The following MUC5AC variants were observed in gnomAD, a reference collection of about 807,000 sequenced individuals.
MUC5AC encodes mucin 5AC, oligomeric mucus/gel-forming.
In MUC5AC, 158 loss-of-function variants were observed where a neutral mutation model predicts 169.7. That is an observed-to-expected ratio of 0.93 (90% CI 0.82 to 1.06). The LOEUF is 1.06. MUC5AC is among the 50% of genes least tolerant of loss of function. The pLI is 0.00. For synonymous variants in MUC5AC, 1,975 were observed against 1,237.0 expected (o/e 1.60, Z -12.52); for missense variants, 4,359 against 3,089.9 (o/e 1.41, Z -9.74).
In MUC5AC at chr11:1,199,676, C is replaced by T. The variant is rs766485530; in HGVS notation, c.16516-19C>T. 15 of 704,694 alleles carry T rather than the reference C, an allele frequency of 2.1e-5. No homozygotes were observed. Among genetic ancestry groups the T allele is most frequent in the Middle Eastern group, 2.5e-4 (1 of 3,960 alleles). The allele number at this position is 704,694 out of a possible 1,614,324, so 43.7% of individuals were successfully genotyped here. On this transcript the variant is annotated intron_variant, in intron 46 of 48. Coordinates refer to ENST00000621226, the MANE Select transcript of MUC5AC (RefSeq NM_001304359.2). ...CCGCCGAGCGCCTCGGCACTGAGGG[C>T]GCCCCTCTGTCGGCACAGGACGAGG...
At chr11:1,166,876 A>C (rs1278245854) in intron 11 of MUC5AC, among the ~76,000 whole-genome samples, 1 of 44,782 alleles carries the variant, frequency 2.2e-5, no homozygotes, top group Non-Finnish European at 4.2e-5. Context: ...AGTCTCCCCA[A>C]GATGAGACCC....
Position 1,188,020 on chromosome 11 carries a change from G to A in MUC5AC, c.9875G>A (p.Arg3292His), listed in dbSNP as rs1554928444. The change falls in exon 31 of 49, where the codon CGT becomes CAT. Residue 3292 changes from arginine (R) to histidine (H), a missense_variant. Coordinates refer to ENST00000621226, the MANE Select transcript of MUC5AC (RefSeq NM_001304359.2). Reference protein sequence around the residue: ...EHLGQVVQCSREEGLVCRNQD... With the variant: ...EHLGQVVQCSHEEGLVCRNQD... Reference sequence around the variant, plus strand: ...CTGGGCCAGGTGGTGCAGTGCAGCCGTGAAGAGGGCCTGGTGTGCCGGAAC... The same window carrying A: ...CTGGGCCAGGTGGTGCAGTGCAGCCATGAAGAGGGCCTGGTGTGCCGGAAC... 0.14 allele frequency: 101,016 copies of A among 738,402 alleles called. 4,538 individuals carry two copies. The highest frequency in any genetic ancestry group is 0.19 in the African/African-American group (10,976 of 57,956). 45.7% of individuals were successfully genotyped at this position (738,402 alleles called of 1,614,324 possible). A position where few individuals can be genotyped will look rare whatever the true frequency, so the allele number is the denominator to read the frequency against.
intron 2 of MUC5AC, 105 bp from the exon 3 acceptor site, chr11:1,161,422 G>A (rs925286113): frequency 2.2e-6 from 2 of 912,302 alleles, no homozygotes; most frequent in East Asian, 2.9e-5. Flanking sequence ...GTTGGCTTCG[G>A]AGCCAGGAGC....
At position 1,188,193 on chromosome 11, in the gene MUC5AC, A is replaced by G. The variant is rs1029190691; in HGVS notation, c.10048A>G (p.Thr3350Ala). The G allele has an allele frequency of 7.3e-6, 5 of 685,784 alleles. No homozygotes were observed. The highest frequency in any genetic ancestry group is 5.3e-5 in the African/African-American group (3 of 56,912). 42.5% of individuals were successfully genotyped at this position (685,784 alleles called of 1,614,324 possible). The stretch of plus-strand genomic sequence containing the variant: ...GAGAGCCACCAGCCCAACTCAGAGC[A>G]CTTCCTCTTGGCAGAAATCCAGGAC... ...SGRATSPTQS[T>A]SSWQKSRTTT... Residue 3350 changes from threonine (T) to alanine (A), a missense_variant, in exon 31 of 49, where the codon ACT (threonine) becomes GCT (alanine). By Grantham distance (58) the Thr-to-Ala change is moderately conservative. Coordinates refer to ENST00000621226, the MANE Select transcript of MUC5AC (RefSeq NM_001304359.2).
Position 1,190,134 on chromosome 11 carries a change from A to T in MUC5AC, c.11989A>T (p.Ile3997Phe). 3 of 764,098 alleles carry T rather than the reference A, an allele frequency of 3.9e-6. No homozygotes were observed. The allele number at this position is 764,098 out of a possible 1,614,324, so 47.3% of individuals were successfully genotyped here. Residue 3997 changes from isoleucine to phenylalanine, a missense_variant, in exon 31 of 49, where the codon ATC becomes TTC. Transcript: ENST00000621226. ...GEKICRRPEE[I>F]TRLQCRAESH... is the part of the protein sequence containing the mutation. ...AAAAATCTGCCGCCGACCTGAGGAG[A>T]TCACCAGGCTCCAGTGCCGAGCCGA...
At chr11:1,198,504 T>C (rs1384014791) in intron 43 of MUC5AC, among the ~76,000 whole-genome samples, 199 bp downstream of exon 43, 2 of 150,792 alleles carry the variant, frequency 1.3e-5, no homozygotes, top group Non-Finnish European at 3.0e-5. Context: ...ATCTACACCC[T>C]GGCCTGCCTG....
At chr11:1,180,892 C>T (rs1860802357) in intron 28 of MUC5AC, among the ~76,000 whole-genome samples, 1 of 152,130 alleles carries the variant, frequency 6.6e-6, no homozygotes. Flanking sequence ...ACTCTGGCAC[C>T]CACCTCCCCT....
chr11:1,189,305 A>G lies in MUC5AC; in HGVS notation c.11160A>G (p.Thr3720=). 1.7e-6 allele frequency: 1 copy of G among 575,612 alleles called. No individual in the cohort carries two copies. The highest frequency in any genetic ancestry group is 3.1e-6 in the Non-Finnish European group (1 of 324,660). 35.7% of individuals were successfully genotyped at this position (575,612 alleles called of 1,614,324 possible). A position where few individuals can be genotyped will look rare whatever the true frequency, so the allele number is the denominator to read the frequency against. ...CAACCTCCACTCCACAGACCACCAC[A>G]TCCTCTGCCCCTACAAGCAGCACAA... ...TSTTSTPQTT[T]SSAPTSSTTS... is the part of the protein sequence containing the mutation. The change falls in exon 31 of 49, where the codon ACA becomes ACG. Residue 3720 remains threonine (T), a synonymous_variant. Coordinates refer to ENST00000621226, the MANE Select transcript of MUC5AC (RefSeq NM_001304359.2).
chr11:1,171,168 T>TTC (rs1207378727), intron 15 of MUC5AC, among the ~76,000 whole-genome samples: 1 of 119,090 alleles, frequency 8.4e-6, no homozygotes, highest in Non-Finnish European at 1.7e-5. Flanking sequence ...CACTCATCCA[T>TTC]TCACCCATTC....
chr11:1,187,791 C>A lies in MUC5AC; in HGVS notation c.9646C>A (p.Gln3216Lys). ...HVSISKTTHS[Q>K]PVTRDCHLRC... The stretch of plus-strand genomic sequence containing the variant: ...TTCCATATCCAAGACAACCCACTCC[C>A]AACCAGTCACCAGAGACTGTCATCT... Residue 3216 changes from glutamine to lysine, a missense_variant, in exon 31 of 49, where the codon CAA becomes AAA. Gln to Lys is a moderately conservative substitution (Grantham distance 53). Transcript: ENST00000621226. 2 of 765,138 alleles carry A rather than the reference C, an allele frequency of 2.6e-6. No homozygotes were observed. The highest frequency in any genetic ancestry group is 4.8e-6 in the Non-Finnish European group (2 of 417,864). 47.4% of individuals were successfully genotyped at this position (765,138 alleles called of 1,614,324 possible). A position where few individuals can be genotyped will look rare whatever the true frequency, so the allele number is the denominator to read the frequency against.
intron 5 of MUC5AC, 81 bp downstream of exon 5, chr11:1,162,727 T>A: frequency 7.3e-7 from 1 of 1,366,574 alleles, no homozygotes; most frequent in Non-Finnish European, 1.0e-6. Context: ...CCGGAGAGGG[T>A]AGAAGGTGCC....
chr11:1,163,128 C>T, intron 6 of MUC5AC, 83 bp downstream of exon 6: 1 of 1,300,122 alleles, frequency 7.7e-7, no homozygotes, highest in Non-Finnish European at 1.1e-6. Flanking sequence ...CTCTGACACT[C>T]CGGGCACACA....
Position 1,184,374 on chromosome 11 carries a change from A to C in MUC5AC, c.6229A>C (p.Thr2077Pro). Reference protein sequence around the residue: ...PHPTGAQTQTTFTTHMPSAST... With the variant: ...PHPTGAQTQTPFTTHMPSAST... ...TCCAACCGGAGCTCAGACCCAGACCACCTTCACCACACACATGCCCTCGGC... is the reference window on the plus strand; with the variant it reads ...TCCAACCGGAGCTCAGACCCAGACCCCCTTCACCACACACATGCCCTCGGC... The change falls in exon 31 of 49, where the codon ACC (threonine) becomes CCC (proline). Residue 2077 changes from threonine to proline, a missense_variant. By Grantham distance (38) the Thr-to-Pro change is conservative. Transcript: ENST00000621226. The C allele has an allele frequency of 2.0e-6, 1 of 500,540 alleles. No homozygotes were observed. The highest frequency in any genetic ancestry group is 1.9e-5 in the African/African-American group (1 of 51,772). 31.0% of individuals were successfully genotyped at this position (500,540 alleles called of 1,614,324 possible).
rs1848362712 is a variant in MUC5AC, at chr11:1,176,647, G to A, written c.2636G>A (p.Arg879Gln). ...EASYRAGQTI[R>Q]VGCNTCTCDS... ...AGCTACCGGGCCGGCCAGACCATCCGGGTGGGCTGCAACACCTGGTATGCC... is the reference window on the plus strand; with the variant it reads ...AGCTACCGGGCCGGCCAGACCATCCAGGTGGGCTGCAACACCTGGTATGCC... Residue 879 changes from arginine to glutamine, a missense_variant, in exon 21 of 49, where the codon CGG becomes CAG. Transcript: ENST00000621226. 8 of 398,564 alleles carry A rather than the reference G, an allele frequency of 2.0e-5. No homozygotes were observed. Among genetic ancestry groups the A allele is most frequent in the Non-Finnish European group, 3.5e-5 (8 of 226,056 alleles). The allele number at this position is 398,564 out of a possible 1,614,324, so 24.7% of individuals were successfully genotyped here.
Position 1,189,779 on chromosome 11 carries a change from C to G in MUC5AC, c.11634C>G (p.Ser3878Arg), listed in dbSNP as rs1457033963. The G allele has an allele frequency of 2.9e-6, 2 of 696,978 alleles. No homozygotes were observed. Among genetic ancestry groups the G allele is most frequent in the Admixed American group, 4.0e-5 (2 of 49,532 alleles). The allele number at this position is 696,978 out of a possible 1,614,324, so 43.2% of individuals were successfully genotyped here. The change falls in exon 31 of 49, where the codon AGC becomes AGG. Residue 3878 changes from serine (S) to arginine (R), a missense_variant. By Grantham distance (110) the Ser-to-Arg change is moderately radical. Coordinates refer to ENST00000621226, the MANE Select transcript of MUC5AC (RefSeq NM_001304359.2). ...TASTISAPTT[S>R]TTSFHTTSTT... ...GCACAATCTCTGCCCCTACAACCAG[C>G]ACAACCTCTTTCCATACAACCAGCA... is the stretch of plus-strand genomic sequence containing the variant.
chr11:1,167,660 G>A (rs559672280), intron 11 of MUC5AC, among the ~76,000 whole-genome samples: 28 of 152,330 alleles, frequency 1.8e-4, no homozygotes, highest in Admixed American at 4.6e-4. Flanking sequence ...TATAGTTGGC[G>A]TTGCAGAGTG....
Position 1,161,935 on chromosome 11 carries a change from G to A in MUC5AC, c.240G>A (p.Val80=), listed in dbSNP as rs764095705. The change falls in exon 4 of 49, where the codon GTG becomes GTA. Residue 80 remains valine, a synonymous_variant. Transcript: ENST00000621226. ...RASNPAHNGR[V]CSTWGSFHYK... Reference sequence around the variant, plus strand: ...CCAACCCGGCGCACAACGGGCGGGTGTGCAGCACCTGGGGCAGCTTCCACT... The same window carrying A: ...CCAACCCGGCGCACAACGGGCGGGTATGCAGCACCTGGGGCAGCTTCCACT... 1.2e-6 allele frequency: 2 copies of A among 1,611,896 alleles called. No individual in the cohort carries two copies. The highest frequency in any genetic ancestry group is 1.7e-6 in the Non-Finnish European group (2 of 1,179,614).
chr11:1,170,621 TCACTCACC>T (rs1390474552), intron 15 of MUC5AC, among the ~76,000 whole-genome samples: 3 of 88,764 alleles, frequency 3.4e-5, no homozygotes, highest in African/African-American at 9.4e-5. Context: ...ACTCACCTAC[TCACTCACC>T]CACTCACCCA....
At chr11:1,193,731 G>T in intron 33 of MUC5AC, 72 bp downstream of exon 33, 2 of 735,900 alleles carry the variant, frequency 2.7e-6, no homozygotes, top group Non-Finnish European at 5.0e-6. Flanking sequence ...AATGGGCGGG[G>T]CAGAGGAGGG....
Sources: gnomAD v4.1 joint callset for allele counts (sites outside exome capture counted in the v4.1 genomes callset) on GRCh38, gnomAD v4.1.1 for gene constraint, MANE v1.5 for transcripts, NCBI Gene and HGNC (gene_info 2026-07-23, HGNC 2026-07-21) for gene names.